Variants in GSPT1 observed in about 807,000 individuals in gnomAD.
The protein encoded by GSPT1 is G1 to S phase transition 1.
Under a neutral mutation model 72.5 loss-of-function variants are expected in GSPT1, and 20 were observed. That is an observed-to-expected ratio of 0.28 (90% CI 0.19 to 0.40). The LOEUF (loss-of-function observed/expected upper bound fraction) is 0.40, where lower values mean the gene tolerates loss of function less well. Ranked by LOEUF, GSPT1 falls within the 10% of genes least tolerant of loss-of-function variation. GSPT1 has a pLI of 1.00. For synonymous variants in GSPT1, 334 were observed against 293.5 expected, an observed-to-expected ratio of 1.14 and a Z score of -1.41; for missense variants, 580 against 811.9, an observed-to-expected ratio of 0.71 and a Z score of 3.47.
At chr16:11,884,960 C>G (rs1567439004) in intron 10 of GSPT1, among the ~76,000 whole-genome samples, 1 of 151,626 alleles carries the variant, frequency 6.6e-6, no homozygotes, top group Non-Finnish European at 1.5e-5. Context: ...CCTAGCTACT[C>G]AGGAGGCTGA....
At chr16:11,916,253 C>T (rs187453947), upstream of GSPT1, among the ~76,000 whole-genome samples, 11 of 152,318 alleles carry the variant, frequency 7.2e-5, no homozygotes, top group East Asian at 3.9e-4. Context: ...GGTGGCCGCT[C>T]GGCGGCCCCA....
intron 1 of GSPT1, among the ~76,000 whole-genome samples, chr16:11,910,794 T>C (rs911594194): frequency 6.6e-6 from 1 of 152,262 alleles, no homozygotes; most frequent in Non-Finnish European, 1.5e-5. Flanking sequence ...CAATAAGATA[T>C]GTACTGACAG....
Position 11,915,851 on chromosome 16 carries a change from A to C in GSPT1, c.-131T>G. 7.1e-7 allele frequency: 1 copy of C among 1,404,042 alleles called. No individual in the cohort carries two copies. Among genetic ancestry groups the C allele is most frequent in the Non-Finnish European group, 9.9e-7 (1 of 1,009,328 alleles). 87.0% of individuals were successfully genotyped at this position (1,404,042 alleles called of 1,614,324 possible). On this transcript the variant is annotated 5_prime_UTR_variant, in exon 1 of 15. Coordinates refer to ENST00000434724, the MANE Select transcript of GSPT1 (RefSeq NM_002094.4). ...GAAGGGCCGGGAGCTAGCGACAAAG[A>C]TCCCCGGCGTCGCCGCGGCAGCAGC...
rs2053943196 is a variant in GSPT1, at chr16:11,868,425, A to G, written c.*4694T>C. 1 of 150,272 alleles carries G rather than the reference A, an allele frequency of 6.7e-6. No individual in the cohort carries two copies. Among genetic ancestry groups the G allele is most frequent in the African/African-American group, 2.5e-5 (1 of 40,712 alleles). The allele number at this position is 150,272 out of a possible 1,614,324, so 9.3% of individuals were successfully genotyped here. On this transcript the variant is annotated 3_prime_UTR_variant, in exon 15 of 15. Transcript: ENST00000434724. ...TGCTGTCTAGCGAAAACTAGTCACT[A>G]AGTCCTGGCCTGAGAGATACCCACA...
chr16:11,889,585 G>T (rs1042009066), intron 6 of GSPT1, among the ~76,000 whole-genome samples: 1 of 151,760 alleles, frequency 6.6e-6, no homozygotes, highest in Non-Finnish European at 1.5e-5. Context: ...TCGGCTCACC[G>T]CAACCTCCGC....
chr16:11,915,795 G>T lies in GSPT1; in HGVS notation c.-75C>A. ...GGGGCGCCCGGCCGGAGAGGAGTGG[G>T]CAACGCTGACTGAGGGAAGGCGGCG... On this transcript the variant is annotated 5_prime_UTR_variant, in exon 1 of 15. Coordinates refer to ENST00000434724, the MANE Select transcript of GSPT1 (RefSeq NM_002094.4). 1 of 1,578,640 alleles carries T rather than the reference G, an allele frequency of 6.3e-7. No individual in the cohort carries two copies.
intron 1 of GSPT1, chr16:11,908,781 A>T (rs2054521285): frequency 9.6e-5 from 2 of 20,826 alleles, no homozygotes; most frequent in Non-Finnish European, 1.7e-4. Context: ...AAAAAAAAAA[A>T]AAAAAAAAAA....
intron 1 of GSPT1, among the ~76,000 whole-genome samples, chr16:11,903,672 C>T (rs776928299): frequency 2.0e-5 from 3 of 152,110 alleles, no homozygotes; most frequent in Non-Finnish European, 4.4e-5. Flanking sequence ...ACCTGGACCA[C>T]GGTGTGAGAC....
chr16:11,879,108 A>AT (rs1445227860), intron 11 of GSPT1, among the ~76,000 whole-genome samples: 88 of 148,260 alleles, frequency 5.9e-4, no homozygotes, highest in African/African-American at 8.2e-4. Context: ...AATAATAATA[A>AT]AAAAAAGGCC....
Position 11,873,105 on chromosome 16 carries a change from C to T in GSPT1, c.*14G>A, listed in dbSNP as rs371056425. The T allele has an allele frequency of 1.1e-5, 17 of 1,525,236 alleles. No individual in the cohort carries two copies. The African/African-American group carries it at 2.2e-4, about 20-fold the overall frequency. The allele number at this position is 1,525,236 out of a possible 1,614,324, so 94.5% of individuals were successfully genotyped here. ...TTTTCCTCACAGTATTGTGCAGGGTCATCAAGAAAATGCTTAGTCTTTCTC... is the reference window on the plus strand; with the variant it reads ...TTTTCCTCACAGTATTGTGCAGGGTTATCAAGAAAATGCTTAGTCTTTCTC... On this transcript the variant is annotated 3_prime_UTR_variant, in exon 15 of 15. Transcript: ENST00000434724.
intron 1 of GSPT1, among the ~76,000 whole-genome samples, chr16:11,914,152 T>C (rs1596479615): frequency 2.0e-5 from 3 of 152,358 alleles, no homozygotes; most frequent in African/African-American, 7.2e-5. Context: ...GGCTAAATGA[T>C]GAAAGGACGT....
intron 1 of GSPT1, among the ~76,000 whole-genome samples, chr16:11,907,276 A>T (rs996660037): frequency 3.9e-5 from 6 of 152,320 alleles, no homozygotes; most frequent in Admixed American, 6.5e-5. Flanking sequence ...CAAGGAAAGC[A>T]CTAGCAGTCA....
chr16:11,910,529 G>GA (rs1413597266), intron 1 of GSPT1, among the ~76,000 whole-genome samples: 2 of 152,062 alleles, frequency 1.3e-5, no homozygotes, highest in Non-Finnish European at 1.5e-5. Flanking sequence ...CGCATTTCTG[G>GA]AAAAAAATTC....
chr16:11,911,785 C>T (rs561267677), intron 1 of GSPT1, among the ~76,000 whole-genome samples: 1 of 149,730 alleles, frequency 6.7e-6, no homozygotes, highest in Non-Finnish European at 1.5e-5. Context: ...CTCCTGACCT[C>T]AGGTGATCCG....
intron 6 of GSPT1, among the ~76,000 whole-genome samples, chr16:11,889,329 CTTTTTTTTTTTTTTTTT>C (rs902991145): frequency 3.3e-5 from 2 of 60,040 alleles, no homozygotes; most frequent in African/African-American, 7.5e-5. Flanking sequence ...CCCTCTTCTT[CTTTTTTTTTTTTTTTTT>C]TTTTTTTTTT....
intron 14 of GSPT1, among the ~76,000 whole-genome samples, chr16:11,874,925 C>A (rs749137162): frequency 2.0e-5 from 3 of 152,236 alleles, no homozygotes; most frequent in Non-Finnish European, 4.4e-5. Flanking sequence ...GGCACGGTGG[C>A]TCACGCCTGT....
Sources: allele counts gnomAD v4.1 joint callset (sites outside exome capture counted in the v4.1 genomes callset), GRCh38; gene constraint gnomAD v4.1.1; transcripts MANE v1.5; gene names NCBI Gene and HGNC (gene_info 2026-07-23, HGNC 2026-07-21).